The following COL8A1 variants were observed in gnomAD, a reference collection of about 807,000 sequenced individuals.
COL8A1 encodes the protein collagen type VIII alpha 1 chain, also known as collagen alpha-1(VIII) chain.
A neutral mutation model predicts 42.7 loss-of-function variants in COL8A1; 21 were observed. The ratio of observed to expected loss-of-function variants is 0.49; its 90% CI spans 0.35 to 0.71. The LOEUF (loss-of-function observed/expected upper bound fraction) is 0.71. Ranked by LOEUF, COL8A1 falls within the 30% of genes least tolerant of loss-of-function variation. The probability of loss-of-function intolerance (pLI) is 0.01; values close to 1 mark genes in which losing one functional copy is unlikely to be tolerated. For synonymous variants in COL8A1, 367 were observed against 369.1 expected, an observed-to-expected ratio of 0.99 and a Z score of 0.06; for missense variants, 788 against 962.4, an observed-to-expected ratio of 0.82 and a Z score of 2.40.
chr3:99,771,410 C>A (rs962795673), intron 2 of COL8A1, among the ~76,000 whole-genome samples: 1 of 152,136 alleles, frequency 6.6e-6, no homozygotes. Context: ...TTTAGCATCA[C>A]TAGGTTAAAT....
intron 1 of COL8A1, among the ~76,000 whole-genome samples, chr3:99,670,286 G>A (rs560330170): frequency 4.2e-4 from 64 of 152,102 alleles, no homozygotes; most frequent in African/African-American, 1.5e-3. Context: ...TTCATCTCAA[G>A]TATGTTTGCA....
intron 1 of COL8A1, among the ~76,000 whole-genome samples, chr3:99,737,529 T>G (rs1212516294): frequency 7.2e-5 from 11 of 152,132 alleles, no homozygotes; most frequent in African/African-American, 1.7e-4. Flanking sequence ...GAAAATTCTT[T>G]TCTTTAAGAA....
chr3:99,685,675 A>G (rs774068606), intron 1 of COL8A1: 1 of 152,140 alleles, frequency 6.6e-6, no homozygotes, highest in Admixed American at 6.5e-5. Flanking sequence ...TTTGTTTTCA[A>G]TCCATACATA....
intron 1 of COL8A1, among the ~76,000 whole-genome samples, chr3:99,744,285 A>G (rs1940971449): frequency 6.6e-6 from 1 of 152,244 alleles, no homozygotes; most frequent in South Asian, 2.1e-4. Context: ...GAGAGTATCT[A>G]TTACCCAAAA....
intron 1 of COL8A1, among the ~76,000 whole-genome samples, chr3:99,714,046 G>T (rs549063347): frequency 6.6e-6 from 1 of 152,000 alleles, no homozygotes; most frequent in South Asian, 2.1e-4. Flanking sequence ...CAACCAACCC[G>T]GGAGTTTAAC....
intron 1 of COL8A1, among the ~76,000 whole-genome samples, chr3:99,718,920 A>T (rs1366535418): frequency 6.6e-6 from 1 of 152,092 alleles, no homozygotes; most frequent in Non-Finnish European, 1.5e-5. Context: ...AGTAACAATC[A>T]TGAAGATGAT....
At chr3:99,669,123 TTATATATA>T (rs775831851) in intron 1 of COL8A1, among the ~76,000 whole-genome samples, 12,871 of 96,510 alleles carry the variant, frequency 0.13, 815 homozygotes, top group Non-Finnish European at 0.18. Context: ...CTTAAAAAAA[TTATATATA>T]TATATATATA....
chr3:99,745,799 A>G (rs1181288240), intron 2 of COL8A1, among the ~76,000 whole-genome samples: 1 of 151,510 alleles, frequency 6.6e-6, no homozygotes, highest in Non-Finnish European at 1.5e-5. Flanking sequence ...CAATAAAAAC[A>G]TAAAGTACAT....
chr3:99,740,015 G>T (rs969683817), intron 1 of COL8A1, among the ~76,000 whole-genome samples: 2 of 152,130 alleles, frequency 1.3e-5, no homozygotes, highest in African/African-American at 2.4e-5. Flanking sequence ...TAAGTTCAAA[G>T]TTCCACAAAT....
At chr3:99,741,589 A>G (rs564124776) in intron 1 of COL8A1, among the ~76,000 whole-genome samples, 4 of 152,170 alleles carry the variant, frequency 2.6e-5, no homozygotes, top group Non-Finnish European at 5.9e-5. Context: ...AGAGCCCAAC[A>G]TGGTTTTACT....
chr3:99,642,074 A>G (rs1405281258), intron 1 of COL8A1, among the ~76,000 whole-genome samples: 1 of 152,230 alleles, frequency 6.6e-6, no homozygotes, highest in Non-Finnish European at 1.5e-5. Context: ...AAGATCTTCC[A>G]GTGACCTGGC....
At chr3:99,745,110 C>T (rs1358647821) in intron 2 of COL8A1, 89 bp downstream of exon 2, 1 of 152,272 alleles carries the variant, frequency 6.6e-6, no homozygotes, top group Admixed American at 6.5e-5. Context: ...CACAAGGGCC[C>T]TTGGCAGATG....
At chr3:99,697,354 G>A (rs1168419775) in intron 1 of COL8A1, among the ~76,000 whole-genome samples, 1 of 152,162 alleles carries the variant, frequency 6.6e-6, no homozygotes, top group African/African-American at 2.4e-5. Flanking sequence ...GTTAACTACA[G>A]GAGATATTAA....
intron 2 of COL8A1, 125 bp from the exon 3 acceptor site, chr3:99,790,555 T>G: frequency 1.4e-6 from 1 of 721,556 alleles, no homozygotes; most frequent in Non-Finnish European, 2.3e-6. Flanking sequence ...TTCATTTGAC[T>G]TCTATCATGA....
chr3:99,744,091 G>T (rs1940965678), intron 1 of COL8A1, among the ~76,000 whole-genome samples: 1 of 152,074 alleles, frequency 6.6e-6, no homozygotes, highest in Non-Finnish European at 1.5e-5. Flanking sequence ...ACCACACCTG[G>T]CTAATTTTTT....
intron 1 of COL8A1, among the ~76,000 whole-genome samples, chr3:99,741,843 G>T (rs539525456): frequency 1.3e-5 from 2 of 152,322 alleles, no homozygotes; most frequent in African/African-American, 2.4e-5. Context: ...CAGTTCATAA[G>T]CTCTCCCAGA....
In COL8A1 at chr3:99,760,238, A is replaced by G. The variant is rs568596011; in HGVS notation, c.-4+15217A>G. On this transcript the variant is annotated intron_variant, in intron 2 of 3. Transcript: ENST00000652472. Reference sequence around the variant, plus strand: ...TTGGCTTCATTAGCCATCTCAGAGCACGTGAATACATCATAGAAAAATCTT... The same window carrying G: ...TTGGCTTCATTAGCCATCTCAGAGCGCGTGAATACATCATAGAAAAATCTT... Among the ~76,000 whole-genome samples, 17 of 152,270 alleles carry G rather than the reference A, an allele frequency of 1.1e-4. No homozygotes were observed. In the South Asian group the frequency reaches 3.3e-3, roughly 30 times the overall value.
At chr3:99,656,593 T>A (rs1003357225) in intron 1 of COL8A1, among the ~76,000 whole-genome samples, 2 of 152,070 alleles carry the variant, frequency 1.3e-5, no homozygotes, top group African/African-American at 4.8e-5. Context: ...ATAGCTCAGT[T>A]TAGGGTTATT....
chr3:99,738,293 G>A (rs1559623471), intron 1 of COL8A1, among the ~76,000 whole-genome samples: 1 of 152,210 alleles, frequency 6.6e-6, no homozygotes, highest in Non-Finnish European at 1.5e-5. Context: ...TGGAGGAGGA[G>A]AGGCACTCTG....
Sources: allele counts gnomAD v4.1 joint callset (sites outside exome capture counted in the v4.1 genomes callset), GRCh38; gene constraint gnomAD v4.1.1; transcripts MANE v1.5; gene names NCBI Gene and HGNC (gene_info 2026-07-23, HGNC 2026-07-21).